The following FOXP1 variants were observed in gnomAD, a reference collection of about 807,000 sequenced individuals.
The protein encoded by FOXP1 is forkhead box P1.
A neutral mutation model predicts 98.2 loss-of-function variants in FOXP1; 15 were observed. The observed-to-expected ratio is 0.15, with a 90% CI of 0.10 to 0.24. The LOEUF is 0.24. Among genes scored for constraint, FOXP1 ranks in the 10% least tolerant of loss-of-function variants. The pLI, the probability that FOXP1 is intolerant of heterozygous loss-of-function variation, is 1.00. For synonymous variants in FOXP1, 371 were observed against 314.5 expected, an observed-to-expected ratio of 1.18 and a Z score of -1.90; for missense variants, 633 against 848.5, an observed-to-expected ratio of 0.75 and a Z score of 3.15.
chr3:71,173,322 G>A (rs1199023467), intron 6 of FOXP1, among the ~76,000 whole-genome samples: 1 of 150,368 alleles, frequency 6.7e-6, no homozygotes, highest in Non-Finnish European at 1.5e-5. Context: ...CAATCAGCCT[G>A]ACTCTATTCA....
intron 3 of FOXP1, among the ~76,000 whole-genome samples, chr3:71,363,338 C>A (rs1261168642): frequency 6.6e-6 from 1 of 152,038 alleles, no homozygotes; most frequent in Non-Finnish European, 1.5e-5. Flanking sequence ...TATAAAATAG[C>A]AAAATAAATT....
At chr3:71,310,257 T>C (rs1030911588) in intron 4 of FOXP1, among the ~76,000 whole-genome samples, 2 of 152,228 alleles carry the variant, frequency 1.3e-5, no homozygotes, top group African/African-American at 4.8e-5. Context: ...TTTATTTACT[T>C]ATATACTTAT....
intron 5 of FOXP1, among the ~76,000 whole-genome samples, chr3:71,236,908 A>G (rs2066833651): frequency 6.6e-6 from 1 of 151,588 alleles, no homozygotes; most frequent in Non-Finnish European, 1.5e-5. Flanking sequence ...AGAAAAAAAT[A>G]AAATAAAAAA....
chr3:71,082,478 G>A (rs2054545575), intron 7 of FOXP1, among the ~76,000 whole-genome samples: 1 of 151,546 alleles, frequency 6.6e-6, no homozygotes, highest in African/African-American at 2.4e-5. Flanking sequence ...GCCTGTCAGG[G>A]GGTGGGGGGT....
At chr3:71,193,455 G>GTT (rs1217174327) in intron 6 of FOXP1, among the ~76,000 whole-genome samples, 3 of 79,418 alleles carry the variant, frequency 3.8e-5, no homozygotes, top group African/African-American at 1.4e-4. Context: ...GCCGTTATTT[G>GTT]TTTTTTTTTT....
At chr3:71,476,344 C>G (rs1199523219) in intron 3 of FOXP1, among the ~76,000 whole-genome samples, 1 of 150,128 alleles carries the variant, frequency 6.7e-6, no homozygotes, top group Admixed American at 6.7e-5. Flanking sequence ...TTAAACCAAA[C>G]TAGTCTGAGC....
chr3:71,396,759 T>C (rs953147215), intron 3 of FOXP1, among the ~76,000 whole-genome samples: 3 of 139,438 alleles, frequency 2.2e-5, no homozygotes, highest in Admixed American at 6.9e-5. Flanking sequence ...GGGTCCCTTC[T>C]AAGCGTCAGG....
chr3:71,121,475 A>G (rs2058766115), intron 6 of FOXP1, among the ~76,000 whole-genome samples: 1 of 132,726 alleles, frequency 7.5e-6, no homozygotes, highest in South Asian at 2.4e-4. Flanking sequence ...CTTTGGGAAG[A>G]GCTAAAAAAA....
intron 3 of FOXP1, among the ~76,000 whole-genome samples, chr3:71,435,062 T>A (rs1217039156): frequency 6.6e-6 from 1 of 150,454 alleles, no homozygotes; most frequent in Non-Finnish European, 1.5e-5. Context: ...AACACATGAG[T>A]TTTCAGCTAT....
intron 3 of FOXP1, among the ~76,000 whole-genome samples, chr3:71,378,097 C>CA (rs11333445): frequency 7.8e-5 from 9 of 115,662 alleles, no homozygotes; most frequent in African/African-American, 2.5e-4. Flanking sequence ...GGCCAAGAAA[C>CA]AAAAAAAAAA....
chr3:71,103,084 C>T (rs1165239522), intron 7 of FOXP1, among the ~76,000 whole-genome samples: 12 of 152,124 alleles, frequency 7.9e-5, no homozygotes, highest in Non-Finnish European at 1.8e-4. Context: ...CTTAAATTAA[C>T]CTGACTTAGG....
intron 12 of FOXP1, among the ~76,000 whole-genome samples, chr3:71,004,393 T>C (rs1302666950): frequency 6.6e-6 from 1 of 152,176 alleles, no homozygotes; most frequent in African/African-American, 2.4e-5. Context: ...GATAATCCTG[T>C]TCTTTTTGAT....
chr3:71,134,466 T>C (rs993581806), intron 6 of FOXP1, among the ~76,000 whole-genome samples: 1 of 152,042 alleles, frequency 6.6e-6, no homozygotes, highest in Admixed American at 6.5e-5. Context: ...GATAGGTAGG[T>C]AGGTAGATAG....
At chr3:71,019,582 C>A (rs938602033) in intron 11 of FOXP1, among the ~76,000 whole-genome samples, 8 of 152,110 alleles carry the variant, frequency 5.3e-5, no homozygotes, top group African/African-American at 1.9e-4. Context: ...GTAATTCCAG[C>A]ACTTTGGGAG....
chr3:71,265,627 T>C (rs907057652), intron 5 of FOXP1, among the ~76,000 whole-genome samples: 6 of 152,120 alleles, frequency 3.9e-5, no homozygotes, highest in East Asian at 1.9e-4. Context: ...ACAGAAAACA[T>C]GCAACACGGC....
chr3:71,356,213 CAAAAAAAAAAAA>C lies in FOXP1; in HGVS notation c.-73+2925_-73+2936del, dbSNP rs3064928. 4.2e-3 allele frequency among the ~76,000 whole-genome samples: 317 copies of C among 75,374 alleles called. 3 individuals are homozygous for C. Among genetic ancestry groups the C allele is most frequent in the Admixed American group, 0.019 (129 of 6,778 alleles). 49.4% of individuals were successfully genotyped at this position (75,374 alleles called of 152,430 possible). On this transcript the variant is annotated intron_variant, in intron 4 of 20. Transcript: ENST00000649528. ...AGGCAGGACCATTGTCTGACTAAGTCAAAAAAAAAAAAAAAAAAAAAGGAATAAAAAAAGAAC... is the reference window on the plus strand; with the variant it reads ...AGGCAGGACCATTGTCTGACTAAGTCAAAAAAAAAGGAATAAAAAAAGAAC...
At chr3:71,098,066 C>G (rs1389678795) in intron 7 of FOXP1, among the ~76,000 whole-genome samples, 1 of 152,210 alleles carries the variant, frequency 6.6e-6, no homozygotes, top group Non-Finnish European at 1.5e-5. Context: ...ATTAGACTGT[C>G]TGAAACCAAG....
At chr3:71,177,225 G>A (rs995622450) in intron 6 of FOXP1, among the ~76,000 whole-genome samples, 5 of 152,166 alleles carry the variant, frequency 3.3e-5, no homozygotes, top group East Asian at 1.9e-4. Flanking sequence ...ACTCTCTCCC[G>A]TTGAAATGAA....
At chr3:71,326,991 C>T (rs570283251) in intron 4 of FOXP1, among the ~76,000 whole-genome samples, 1 of 151,970 alleles carries the variant, frequency 6.6e-6, no homozygotes, top group Admixed American at 6.6e-5. Context: ...AAACTAAGGC[C>T]CAGCAAGGTA....
Sources: allele counts gnomAD v4.1 joint callset (sites outside exome capture counted in the v4.1 genomes callset), GRCh38; gene constraint gnomAD v4.1.1; transcripts MANE v1.5; gene names NCBI Gene and HGNC (gene_info 2026-07-23, HGNC 2026-07-21).